NIPAL2: variants seen among roughly 807,000 people sequenced by gnomAD.
NIPAL2 encodes the protein NIPA like domain containing 2, also known as NIPA-like protein 2.
In NIPAL2, 43 loss-of-function variants were observed where a neutral mutation model predicts 48.9. The observed-to-expected ratio is 0.88, with a 90% confidence interval of 0.69 to 1.13. NIPAL2 has a LOEUF of 1.13. Ranked by LOEUF, NIPAL2 falls within the 50% of genes most tolerant of loss-of-function variation. The pLI, the probability that NIPAL2 is intolerant of heterozygous loss-of-function variation, is 0.00. For synonymous variants in NIPAL2, 167 were observed against 174.6 expected (o/e 0.96, Z 0.34); for missense variants, 446 against 461.4 (o/e 0.97, Z 0.31).
chr8:98,202,812 G>A (rs953834203), intron 8 of NIPAL2, among the ~76,000 whole-genome samples: 1 of 152,206 alleles, frequency 6.6e-6, no homozygotes, highest in Non-Finnish European at 1.5e-5. Flanking sequence ...ACAAAGATGA[G>A]TGTCTTAAAT....
At chr8:98,243,159 A>G (rs1053921487) in intron 3 of NIPAL2, among the ~76,000 whole-genome samples, 2 of 152,108 alleles carry the variant, frequency 1.3e-5, no homozygotes, top group African/African-American at 4.8e-5. Context: ...TTGCCCTTGA[A>G]GCTCTAATGC....
chr8:98,239,418 T>C (rs1812875798), intron 3 of NIPAL2, among the ~76,000 whole-genome samples: 1 of 152,212 alleles, frequency 6.6e-6, no homozygotes, highest in Non-Finnish European at 1.5e-5. Context: ...AGCCACAGTT[T>C]CATAAATACA....
chr8:98,243,807 GAATAAGAGGT>G (rs1232505149), intron 3 of NIPAL2, among the ~76,000 whole-genome samples: 3 of 152,178 alleles, frequency 2.0e-5, no homozygotes, highest in African/African-American at 7.2e-5. Context: ...TGTGTCTGTA[GAATAAGAGGT>G]AAATGGGCAT....
At chr8:98,213,383 A>G (rs544258780) in intron 5 of NIPAL2, among the ~76,000 whole-genome samples, 4 of 152,264 alleles carry the variant, frequency 2.6e-5, no homozygotes, top group African/African-American at 7.2e-5. Flanking sequence ...TTCACCATGT[A>G]TTATATTTGT....
intron 5 of NIPAL2, among the ~76,000 whole-genome samples, chr8:98,214,266 T>G (rs1050352764): frequency 2.0e-5 from 3 of 151,948 alleles, no homozygotes; most frequent in African/African-American, 7.3e-5. Flanking sequence ...TGGGTTCAAG[T>G]GATTCTCTTG....
chr8:98,199,173 C>G (rs961734433), intron 8 of NIPAL2, among the ~76,000 whole-genome samples: 1 of 152,014 alleles, frequency 6.6e-6, no homozygotes. Context: ...TCAGGCTGGT[C>G]TCGAACTCCC....
intron 10 of NIPAL2, 69 bp downstream of exon 10, chr8:98,194,659 C>A: frequency 6.2e-6 from 5 of 811,734 alleles, no homozygotes; most frequent in Non-Finnish European, 9.4e-6. Context: ...ACTTACCACC[C>A]AAAATAATAC....
At chr8:98,223,392 C>T (rs757381070) in intron 4 of NIPAL2, among the ~76,000 whole-genome samples, 11 of 151,948 alleles carry the variant, frequency 7.2e-5, no homozygotes, top group African/African-American at 2.7e-4. Flanking sequence ...GGAGGACTTG[C>T]CCTTCCAAAT....
chr8:98,241,786 G>A (rs1474712110), intron 3 of NIPAL2, among the ~76,000 whole-genome samples: 1 of 151,956 alleles, frequency 6.6e-6, no homozygotes, highest in African/African-American at 2.4e-5. Flanking sequence ...AATAAGGGTG[G>A]CTGAATATTC....
Position 98,231,077 on chromosome 8 carries a change from T to C in NIPAL2, c.436+5078A>G, listed in dbSNP as rs1812417128. 2.0e-5 allele frequency among the ~76,000 whole-genome samples: 3 copies of C among 152,220 alleles called. No homozygotes were observed. In the South Asian group the frequency reaches 6.2e-4, roughly 32 times the overall value. On this transcript the variant is annotated intron_variant, in intron 4 of 10. Coordinates refer to ENST00000430223, the MANE Select transcript of NIPAL2 (RefSeq NM_001321635.2). ...CTCCTGGTCAGTGGGAGTCCAGTTATTGCTTTTGTGGGATAACAGGAGTCA... is the reference window on the plus strand; with the variant it reads ...CTCCTGGTCAGTGGGAGTCCAGTTACTGCTTTTGTGGGATAACAGGAGTCA...
intron 4 of NIPAL2, among the ~76,000 whole-genome samples, chr8:98,230,847 A>G (rs1204624060): frequency 6.6e-6 from 1 of 152,178 alleles, no homozygotes; most frequent in Non-Finnish European, 1.5e-5. Flanking sequence ...CTGGTTCCCA[A>G]GCTCCTCTCT....
At chr8:98,222,388 G>T in intron 5 of NIPAL2, 91 bp downstream of exon 5, 1 of 1,319,724 alleles carries the variant, frequency 7.6e-7, no homozygotes, top group Non-Finnish European at 1.0e-6. Context: ...ATTAGTGCTG[G>T]TAAGGAAAAG....
intron 1 of NIPAL2, among the ~76,000 whole-genome samples, chr8:98,280,294 G>A (rs143406732): frequency 1.3e-3 from 195 of 152,290 alleles, no homozygotes; most frequent in Non-Finnish European, 2.1e-3. Flanking sequence ...TTCTGAGCTC[G>A]TTTTGAACAC....
At chr8:98,225,595 G>T (rs191954770) in intron 4 of NIPAL2, among the ~76,000 whole-genome samples, 23 of 152,198 alleles carry the variant, frequency 1.5e-4, no homozygotes, top group African/African-American at 4.8e-4. Context: ...TATGTTATTT[G>T]TTTCTTTTCT....
At chr8:98,211,839 AGAAGGGAGG>A (rs1293171524) in intron 6 of NIPAL2, among the ~76,000 whole-genome samples, 5 of 151,654 alleles carry the variant, frequency 3.3e-5, no homozygotes, top group Non-Finnish European at 7.4e-5. Flanking sequence ...ACAGAAAAGG[AGAAGGGAGG>A]GAAGATACAT....
intron 1 of NIPAL2, among the ~76,000 whole-genome samples, chr8:98,284,063 C>A (rs1345957442): frequency 6.6e-6 from 1 of 152,142 alleles, no homozygotes; most frequent in Admixed American, 6.5e-5. Context: ...TTTCCTCATC[C>A]CCAAGCCCAC....
rs185000245 is a variant in NIPAL2, at chr8:98,214,545, C to T, written c.559-2044G>A. On this transcript the variant is annotated intron_variant, in intron 5 of 10. Coordinates refer to ENST00000430223, the MANE Select transcript of NIPAL2 (RefSeq NM_001321635.2). ...TTTACTTATCTAACAGCAGACAGTA[C>T]CATCACTAATTTTTTTTCTTTTTTT... Among the ~76,000 whole-genome samples, 9 of 151,518 alleles carry T rather than the reference C, an allele frequency of 5.9e-5. No individual in the cohort carries two copies. The East Asian group carries it at 1.4e-3, about 23-fold the overall frequency.
intron 5 of NIPAL2, among the ~76,000 whole-genome samples, 189 bp from the exon 6 acceptor site, chr8:98,212,690 G>T (rs1811381118): frequency 6.6e-6 from 1 of 152,126 alleles, no homozygotes; most frequent in African/African-American, 2.4e-5. Flanking sequence ...GTCCCTCTCT[G>T]CCAGGGATGC....
At chr8:98,197,249 T>C (rs1182036440) in intron 8 of NIPAL2, among the ~76,000 whole-genome samples, 1 of 152,240 alleles carries the variant, frequency 6.6e-6, no homozygotes, top group Non-Finnish European at 1.5e-5. Context: ...ATAAAAGTTA[T>C]GTTTACACTG....
Sources: gnomAD v4.1 joint callset for allele counts (sites outside exome capture counted in the v4.1 genomes callset) on GRCh38, gnomAD v4.1.1 for gene constraint, MANE v1.5 for transcripts, NCBI Gene and HGNC (gene_info 2026-07-23, HGNC 2026-07-21) for gene names.